SORCS1: variants seen among roughly 807,000 people sequenced by gnomAD.
SORCS1 encodes VPS10 domain-containing receptor SorCS1.
SORCS1 carries 60 observed loss-of-function variants against 146.1 expected under a neutral mutation model. That is an observed-to-expected ratio of 0.41 (90% confidence interval 0.33 to 0.51). The LOEUF is 0.51. SORCS1 is among the 20% of genes least tolerant of loss of function. The pLI, the probability that SORCS1 is intolerant of heterozygous loss-of-function variation, is 0.21. For synonymous variants in SORCS1, 637 were observed against 584.0 expected (o/e 1.09, Z -1.31); for missense variants, 1,352 against 1,487.6 (o/e 0.91, Z 1.50).
chr10:107,075,218 G>T (rs1295401592), intron 1 of SORCS1, among the ~76,000 whole-genome samples: 1 of 152,148 alleles, frequency 6.6e-6, no homozygotes, highest in Non-Finnish European at 1.5e-5. Flanking sequence ...GCACAAGCCA[G>T]AAATGGTGGC....
At chr10:106,859,111 G>A (rs2137399224) in intron 2 of SORCS1, among the ~76,000 whole-genome samples, 1 of 152,338 alleles carries the variant, frequency 6.6e-6, no homozygotes, top group East Asian at 1.9e-4. Flanking sequence ...GTACTGGTGA[G>A]GAGGGCATAG....
At chr10:106,976,549 T>A (rs1956032085) in intron 1 of SORCS1, among the ~76,000 whole-genome samples, 1 of 152,072 alleles carries the variant, frequency 6.6e-6, no homozygotes, top group South Asian at 2.1e-4. Flanking sequence ...GCTAGGATGG[T>A]CTCGATCTCC....
chr10:106,982,076 G>C (rs73376437), intron 1 of SORCS1, among the ~76,000 whole-genome samples: 4,278 of 152,204 alleles, frequency 0.028, 199 homozygotes, highest in African/African-American at 0.097. Context: ...TTTCTGTTAA[G>C]GATTTAGGTA....
intron 17 of SORCS1, among the ~76,000 whole-genome samples, chr10:106,663,906 T>A (rs1850927992): frequency 6.6e-6 from 1 of 152,230 alleles, no homozygotes; most frequent in Non-Finnish European, 1.5e-5. Flanking sequence ...TATTCACTCC[T>A]CCACCTGTGA....
intron 1 of SORCS1, among the ~76,000 whole-genome samples, chr10:107,157,057 A>G (rs772333625): frequency 6.6e-6 from 1 of 152,230 alleles, no homozygotes; most frequent in Non-Finnish European, 1.5e-5. Context: ...TGAAAAGCTG[A>G]ACCTGGAACT....
intron 18 of SORCS1, among the ~76,000 whole-genome samples, chr10:106,638,300 G>A (rs1232386776): frequency 6.6e-6 from 1 of 152,062 alleles, no homozygotes; most frequent in Non-Finnish European, 1.5e-5. Context: ...CTTTAAAAAT[G>A]GTAGGAAGTT....
At chr10:106,733,450 G>A (rs1472008594) in intron 5 of SORCS1, among the ~76,000 whole-genome samples, 1 of 152,216 alleles carries the variant, frequency 6.6e-6, no homozygotes, top group Non-Finnish European at 1.5e-5. Flanking sequence ...AATGCTGAAT[G>A]TCTGTATAAG....
intron 2 of SORCS1, among the ~76,000 whole-genome samples, chr10:106,905,844 C>G (rs1951886193): frequency 6.6e-6 from 1 of 152,304 alleles, no homozygotes; most frequent in African/African-American, 2.4e-5. Context: ...AACATTGAAA[C>G]ACTGAATTTT....
intron 1 of SORCS1, among the ~76,000 whole-genome samples, chr10:107,014,633 G>A (rs532342963): frequency 9.2e-5 from 14 of 152,324 alleles, no homozygotes; most frequent in African/African-American, 3.4e-4. Flanking sequence ...GAATCTGTTA[G>A]AAATGCAAAT....
At chr10:107,092,076 G>A (rs142974007) in intron 1 of SORCS1, among the ~76,000 whole-genome samples, 1 of 152,154 alleles carries the variant, frequency 6.6e-6, no homozygotes, top group African/African-American at 2.4e-5. Context: ...GATTTAGGAA[G>A]GAAGATAAAA....
intron 2 of SORCS1, among the ~76,000 whole-genome samples, chr10:106,928,372 C>T (rs1180807998): frequency 6.6e-6 from 1 of 152,236 alleles, no homozygotes. Flanking sequence ...TTGCCAGGGG[C>T]CGGCAGGCTG....
chr10:107,039,463 T>A (rs1959068128), intron 1 of SORCS1, among the ~76,000 whole-genome samples: 1 of 152,186 alleles, frequency 6.6e-6, no homozygotes, highest in Admixed American at 6.5e-5. Flanking sequence ...GCCAAGAATA[T>A]TTTAATATTC....
chr10:106,628,962 G>A (rs181461405), intron 19 of SORCS1, among the ~76,000 whole-genome samples: 6 of 152,272 alleles, frequency 3.9e-5, no homozygotes, highest in African/African-American at 1.4e-4. Context: ...GGCACCCGGG[G>A]TAAGCAGAGG....
chr10:106,958,371 T>C (rs896687211), intron 1 of SORCS1, among the ~76,000 whole-genome samples: 2 of 152,222 alleles, frequency 1.3e-5, no homozygotes, highest in Non-Finnish European at 2.9e-5. Flanking sequence ...CTAGCCACAG[T>C]AAGCATAGAA....
At chr10:106,790,129 A>G (rs1221156943) in intron 3 of SORCS1, among the ~76,000 whole-genome samples, 2 of 152,094 alleles carry the variant, frequency 1.3e-5, no homozygotes. Flanking sequence ...GCCTAACCAC[A>G]TCATGGTGCT....
chr10:106,784,010 T>G (rs1258873714), intron 3 of SORCS1, among the ~76,000 whole-genome samples: 1 of 152,124 alleles, frequency 6.6e-6, no homozygotes, highest in African/African-American at 2.4e-5. Context: ...CTCATTTTAC[T>G]GGAGAAATTG....
chr10:106,731,061 G>C (rs921681196), intron 5 of SORCS1, among the ~76,000 whole-genome samples: 7 of 151,584 alleles, frequency 4.6e-5, no homozygotes, highest in Non-Finnish European at 7.4e-5. Context: ...TGTAATCCCA[G>C]CACTTTGGGA....
chr10:107,180,580 T>C, the SORCS1 span, among the ~76,000 whole-genome samples: 1 of 152,178 alleles, frequency 6.6e-6, no homozygotes, highest in Admixed American at 6.5e-5. Context: ...GAACCAGCTC[T>C]TTGTTTCATT....
At chr10:107,113,372 A>G (rs1455522682) in intron 1 of SORCS1, among the ~76,000 whole-genome samples, 1 of 152,146 alleles carries the variant, frequency 6.6e-6, no homozygotes. Flanking sequence ...AGAGAACTAT[A>G]TAGTGATAAA....
Sources: gnomAD v4.1 joint callset for allele counts (sites outside exome capture counted in the v4.1 genomes callset) on GRCh38, gnomAD v4.1.1 for gene constraint, MANE v1.5 for transcripts, NCBI Gene and HGNC (gene_info 2026-07-23, HGNC 2026-07-21) for gene names.